Variants in PRDM15 observed in about 807,000 individuals in gnomAD.
PRDM15 encodes PR/SET domain 15, also known as PR domain zinc finger protein 15.
Under a neutral mutation model 128.6 loss-of-function variants are expected in PRDM15, and 64 were observed. That is an observed-to-expected ratio of 0.50 (90% CI 0.41 to 0.61). The LOEUF (loss-of-function observed/expected upper bound fraction) is 0.61, where lower values mean the gene tolerates loss of function less well. Ranked by LOEUF, PRDM15 falls within the 20% of genes least tolerant of loss-of-function variation. PRDM15 has a pLI of 0.00. For missense variants in PRDM15, 1,242 were observed against 1,569.1 expected (o/e 0.79, Z 3.52); for synonymous variants, 615 against 621.8 (o/e 0.99, Z 0.16).
At chr21:41,829,569 CACAAACAG>C (rs2062610605) in intron 11 of PRDM15, among the ~76,000 whole-genome samples, 2 of 151,032 alleles carry the variant, frequency 1.3e-5, no homozygotes, top group East Asian at 2.0e-4. Context: ...ATACACAACC[CACAAACAG>C]ACATTCAACA....
chr21:41,863,912 C>G lies in PRDM15; in HGVS notation c.-9-3540G>C, dbSNP rs781148561. Among the ~76,000 whole-genome samples, 3 of 151,722 alleles carry G rather than the reference C, an allele frequency of 2.0e-5. No homozygotes were observed. The South Asian group carries it at 6.2e-4, about 32-fold the overall frequency. On this transcript the variant is annotated intron_variant, in intron 1 of 23. Transcript: ENST00000398548. ...AGGCTGGAGTGCAGTGGCGCGATCTCAGCTCACGGCAACCTCCGCCTCCCA... is the reference window on the plus strand; with the variant it reads ...AGGCTGGAGTGCAGTGGCGCGATCTGAGCTCACGGCAACCTCCGCCTCCCA...
At chr21:41,838,141 C>A in intron 7 of PRDM15, 78 bp from the exon 8 acceptor site, 2 of 1,506,308 alleles carry the variant, frequency 1.3e-6, no homozygotes, top group South Asian at 2.3e-5. Context: ...TGACACACTG[C>A]CCCATGGGAA....
At chr21:41,863,758 A>G (rs2063904098) in intron 1 of PRDM15, among the ~76,000 whole-genome samples, 1 of 152,192 alleles carries the variant, frequency 6.6e-6, no homozygotes, top group Admixed American at 6.5e-5. Context: ...TACCATCATA[A>G]AAACTTTGAT....
At chr21:41,878,970 G>A in intron 1 of PRDM15, 1 of 990,408 alleles carries the variant, frequency 1.0e-6, no homozygotes, top group Non-Finnish European at 1.2e-6. Flanking sequence ...GCGGAGCCCG[G>A]CCAGGAGCGC....
At chr21:41,806,692 C>G (rs1205854404) in intron 21 of PRDM15, among the ~76,000 whole-genome samples, 6 of 68,232 alleles carry the variant, frequency 8.8e-5, no homozygotes, top group South Asian at 8.0e-4. Context: ...ACCATCACCA[C>G]CACCACCCAT....
rs1055990333 is a variant in PRDM15, at chr21:41,834,637, G to A, written c.1366+800C>T. The A allele has an allele frequency of 4.3e-6, 5 of 1,167,016 alleles. No individual in the cohort carries two copies. In the Admixed American group the frequency reaches 1.0e-4, roughly 23 times the overall value. 72.3% of individuals were successfully genotyped at this position (1,167,016 alleles called of 1,614,324 possible). A position where few individuals can be genotyped will look rare whatever the true frequency, so the allele number is the denominator to read the frequency against. On this transcript the variant is annotated intron_variant, in intron 11 of 23. Transcript: ENST00000398548. The stretch of plus-strand genomic sequence containing the variant: ...CCCGCTGGGGACCCCCACTGCTTGG[G>A]CCTCCAGTGCCACCCACCACTGGGA...
chr21:41,801,179 C>T lies in PRDM15; in HGVS notation c.*61G>A. On this transcript the variant is annotated 3_prime_UTR_variant, in exon 24 of 24. Transcript: ENST00000398548. ...TTGTTTGTTTGGTATCCAGCAAACA[C>T]ATCTAAACAAATCCCAAACATCCCT... 2.0e-6 allele frequency: 3 copies of T among 1,497,104 alleles called. No homozygotes were observed. The highest frequency in any genetic ancestry group is 2.7e-6 in the Non-Finnish European group (3 of 1,130,432). The allele number at this position is 1,497,104 out of a possible 1,614,324, so 92.7% of individuals were successfully genotyped here. A position where few individuals can be genotyped will look rare whatever the true frequency, so the allele number is the denominator to read the frequency against.
At chr21:41,878,893 C>A in intron 1 of PRDM15, 1 of 957,140 alleles carries the variant, frequency 1.0e-6, no homozygotes, top group Non-Finnish European at 1.2e-6. Flanking sequence ...CGCGGCCCGG[C>A]AGCCCCGCGG....
At position 41,810,130 on chromosome 21, in the gene PRDM15, G is replaced by A. The variant is rs2146268313; in HGVS notation, c.2652+24C>T. ...GTGCGCGGCCCGCTGGCGGGGCACG[G>A]AGGGGGCACAGCCACCAGCTCACCT... On this transcript the variant is annotated intron_variant, in intron 21 of 23. Transcript: ENST00000398548. This position sits in a 1 kb window ranked among gnomAD's most constrained non-coding sequence, Gnocchi z 6.4. 6.3e-7 allele frequency: 1 copy of A among 1,590,864 alleles called. No individual in the cohort carries two copies. The highest frequency in any genetic ancestry group is 8.6e-7 in the Non-Finnish European group (1 of 1,169,132).
intron 21 of PRDM15, among the ~76,000 whole-genome samples, chr21:41,806,066 TCACC>T (rs1568880297): frequency 7.9e-4 from 6 of 7,602 alleles, no homozygotes; most frequent in African/African-American, 1.4e-3. Context: ...ACCATCACCA[TCACC>T]ACCACCATCA....
At chr21:41,827,932 T>C (rs2062525459) in intron 12 of PRDM15, among the ~76,000 whole-genome samples, 1 of 152,208 alleles carries the variant, frequency 6.6e-6, no homozygotes, top group South Asian at 2.1e-4. Context: ...TTAGGGTATT[T>C]CCAGCTGTTT....
intron 6 of PRDM15, among the ~76,000 whole-genome samples, chr21:41,841,168 G>A (rs200018564): frequency 6.6e-6 from 1 of 152,168 alleles, no homozygotes; most frequent in East Asian, 1.9e-4. Flanking sequence ...TCAGATTCAA[G>A]ATCTGTAACA....
At position 41,821,030 on chromosome 21, in the gene PRDM15, T is replaced by G. The variant is rs753788596; in HGVS notation, c.2060+37A>C. The G allele has an allele frequency of 2.5e-6, 4 of 1,613,526 alleles. No individual in the cohort carries two copies. Among genetic ancestry groups the G allele is most frequent in the Admixed American group, 3.3e-5 (2 of 59,998 alleles). On this transcript the variant is annotated intron_variant, in intron 16 of 23. Coordinates refer to ENST00000398548, the MANE Select transcript of PRDM15 (RefSeq NM_001040424.3). This position sits in a 1 kb window ranked among gnomAD's most constrained non-coding sequence, Gnocchi z 5.4. ...TTTGCAAGGAAGCATGTCCCCTCTC[T>G]CCTGACACAACCCGGGAGCCCCCGA...
At position 41,832,416 on chromosome 21, in the gene PRDM15, C is replaced by A. The variant is rs73903601; in HGVS notation, c.1366+3021G>T. Among the ~76,000 whole-genome samples, 1 of 151,698 alleles carries A rather than the reference C, an allele frequency of 6.6e-6. No individual in the cohort carries two copies. Among genetic ancestry groups the A allele is most frequent in the Non-Finnish European group, 1.5e-5 (1 of 67,928 alleles). Reference sequence around the variant, plus strand: ...GATCACCAGAGGCCACACCTTACAGCGCTGTGGCATCGGATCACCACAGGC... The same window carrying A: ...GATCACCAGAGGCCACACCTTACAGAGCTGTGGCATCGGATCACCACAGGC... On this transcript the variant is annotated intron_variant, in intron 11 of 23. Coordinates refer to ENST00000398548, the MANE Select transcript of PRDM15 (RefSeq NM_001040424.3). The surrounding 1 kb of genome is among the most constrained non-coding windows in gnomAD (Gnocchi z 4.2).
chr21:41,810,214 G>C lies in PRDM15; in HGVS notation c.2592C>G (p.Cys864Trp). The C allele has an allele frequency of 6.2e-7, 1 of 1,612,724 alleles. No homozygotes were observed. The highest frequency in any genetic ancestry group is 8.5e-7 in the Non-Finnish European group (1 of 1,179,862). Residue 864 changes from cysteine to tryptophan, a missense_variant, in exon 21 of 24, where the codon TGC becomes TGG. This residue lies in a region of PRDM15 where 602 missense variants were observed against 788.3 expected (regional missense o/e 0.76). Coordinates refer to ENST00000398548, the MANE Select transcript of PRDM15 (RefSeq NM_001040424.3). This position sits in a 1 kb window ranked among gnomAD's most constrained non-coding sequence, Gnocchi z 6.4. ...AGGCCCTGGTGGACACCTTGGTCCC[G>C]CACAGCTGGCAGCTCTGCGCCTCCA... The part of the protein sequence containing the change: ...DKVEAQSCQL[C>W]GTKVSTRASM...
At chr21:41,830,370 CACAT>C (rs1468184548) in intron 11 of PRDM15, among the ~76,000 whole-genome samples, 1,625 of 151,582 alleles carry the variant, frequency 0.011, 27 homozygotes, top group African/African-American at 0.037. Context: ...AACATACAAA[CACAT>C]ACGCTCAGCA....
chr21:41,849,178 G>A (rs772735999), intron 5 of PRDM15, among the ~76,000 whole-genome samples: 16 of 152,366 alleles, frequency 1.1e-4, no homozygotes, highest in Non-Finnish European at 1.6e-4. Flanking sequence ...TCCAGTGGGC[G>A]CGGCTGACTG....
At chr21:41,843,833 C>T (rs2063146067) in intron 6 of PRDM15, among the ~76,000 whole-genome samples, 1 of 151,896 alleles carries the variant, frequency 6.6e-6, no homozygotes, top group Non-Finnish European at 1.5e-5. Flanking sequence ...CCTGTAGTTC[C>T]AGCTACTTGG....
intron 1 of PRDM15, chr21:41,861,521 T>C (rs1463318380): frequency 1.3e-6 from 2 of 1,495,096 alleles, no homozygotes; most frequent in Admixed American, 3.6e-5. Context: ...CACCAAATGA[T>C]TATTCCTCCT....
Sources: gnomAD v4.1 joint callset for allele counts (sites outside exome capture counted in the v4.1 genomes callset) on GRCh38, gnomAD v4.1.1 for gene constraint, gnomAD v4.1.1 regional missense constraint, Gnocchi (gnomAD v3.1) non-coding constraint, MANE v1.5 for transcripts, NCBI Gene and HGNC (gene_info 2026-07-23, HGNC 2026-07-21) for gene names.